Variants in SND1 observed in about 807,000 individuals in gnomAD.
SND1 encodes the protein staphylococcal nuclease and tudor domain containing 1.
Under a neutral mutation model 121.7 loss-of-function variants are expected in SND1, and 38 were observed. The observed-to-expected ratio is 0.31, with a 90% CI of 0.24 to 0.41. The LOEUF (loss-of-function observed/expected upper bound fraction) is 0.41, where lower values mean the gene tolerates loss of function less well. Ranked by LOEUF, SND1 falls within the 10% of genes least tolerant of loss-of-function variation. The probability of loss-of-function intolerance (pLI) is 1.00; values close to 1 mark genes in which losing one functional copy is unlikely to be tolerated. For synonymous variants in SND1, 401 were observed against 447.4 expected (o/e 0.90, Z 1.31); for missense variants, 868 against 1,184.6 (o/e 0.73, Z 3.92).
At chr7:127,941,058 A>G (rs558947699) in intron 15 of SND1, among the ~76,000 whole-genome samples, 1 of 152,344 alleles carries the variant, frequency 6.6e-6, no homozygotes. Context: ...GCACTGGCCT[A>G]TGAGGAGCAA....
chr7:128,034,637 CA>C (rs1259898362), intron 16 of SND1, among the ~76,000 whole-genome samples: 1 of 152,156 alleles, frequency 6.6e-6, no homozygotes, highest in African/African-American at 2.4e-5. Context: ...TGGGTCAGAC[CA>C]GTACTTAGTA....
rs570315200 is a variant in SND1 at position 127,854,022 on chromosome 7, G to A, written c.1343+9598G>A. Among the ~76,000 whole-genome samples, 6 of 152,304 alleles carry A rather than the reference G, an allele frequency of 3.9e-5. No homozygotes were observed. The South Asian group carries it at 1.0e-3, about 26-fold the overall frequency. On this transcript the variant is annotated intron_variant, in intron 12 of 23. Coordinates refer to ENST00000354725, the MANE Select transcript of SND1 (RefSeq NM_014390.4). ...TGTGCTACTATTTCTCCACTAGTCT[G>A]ACCCCATCTGCTTTCTGCCTTTCAG...
In SND1 at chr7:128,087,388, AAGG is replaced by A. The variant is rs1793704571; in HGVS notation, c.2418+340_2418+342del. 2.6e-5 allele frequency among the ~76,000 whole-genome samples: 4 copies of A among 152,264 alleles called. No individual in the cohort carries two copies. The South Asian group carries it at 8.3e-4, about 32-fold the overall frequency. ...GTGTCGTGGGGTTGTCTACCCTGGCAAGGAGTTTATTCTTTGTGCTGTATAGGC... is the reference window on the plus strand; with the variant it reads ...GTGTCGTGGGGTTGTCTACCCTGGCAAGTTTATTCTTTGTGCTGTATAGGC... On this transcript the variant is annotated intron_variant, in intron 21 of 23. Coordinates refer to ENST00000354725, the MANE Select transcript of SND1 (RefSeq NM_014390.4).
At chr7:127,870,750 T>TA (rs1799569883) in intron 12 of SND1, among the ~76,000 whole-genome samples, 1 of 152,284 alleles carries the variant, frequency 6.6e-6, no homozygotes, top group Admixed American at 6.5e-5. Flanking sequence ...CCTAGGATGT[T>TA]ACTGTACGCT....
chr7:127,771,796 A>G (rs1797516639), intron 10 of SND1, among the ~76,000 whole-genome samples: 1 of 152,238 alleles, frequency 6.6e-6, no homozygotes, highest in Admixed American at 6.5e-5. Context: ...TTAATTAAAT[A>G]TGATACCTCT....
intron 16 of SND1, among the ~76,000 whole-genome samples, chr7:128,011,382 G>T (rs1015313206): frequency 6.6e-6 from 1 of 152,228 alleles, no homozygotes; most frequent in African/African-American, 2.4e-5. Context: ...AACTCCTGGG[G>T]AGAGAGTGCC....
At chr7:127,910,183 TA>T (rs1453621268) in intron 14 of SND1, among the ~76,000 whole-genome samples, 2 of 152,192 alleles carry the variant, frequency 1.3e-5, no homozygotes, top group African/African-American at 4.8e-5. Context: ...CTCACGCCTG[TA>T]ATCCCAGCAC....
intron 2 of SND1, among the ~76,000 whole-genome samples, chr7:127,687,502 T>A (rs1326377449): frequency 1.3e-5 from 2 of 152,170 alleles, no homozygotes; most frequent in African/African-American, 2.4e-5. Context: ...CAGTGTCTAT[T>A]ATTTCTATCT....
intron 10 of SND1, among the ~76,000 whole-genome samples, chr7:127,769,383 G>T (rs1797474999): frequency 1.3e-5 from 2 of 152,164 alleles, no homozygotes; most frequent in African/African-American, 4.8e-5. Context: ...AAACATGTTT[G>T]CCAGCCCTGT....
At chr7:127,783,068 A>G (rs942159300) in intron 10 of SND1, among the ~76,000 whole-genome samples, 1 of 152,202 alleles carries the variant, frequency 6.6e-6, no homozygotes, top group African/African-American at 2.4e-5. Flanking sequence ...GGGGACAGAT[A>G]TCAATTCTGG....
intron 1 of SND1, among the ~76,000 whole-genome samples, chr7:127,685,276 TC>T (rs1185976887): frequency 6.6e-6 from 1 of 152,224 alleles, no homozygotes; most frequent in African/African-American, 2.4e-5. Flanking sequence ...CAGCTTCCTT[TC>T]ATTCTCCTTT....
At position 128,081,517 on chromosome 7, in the gene SND1, G is replaced by T. The variant is rs754147302; in HGVS notation, c.2110+16G>T. The T allele has an allele frequency of 3.7e-6, 6 of 1,612,500 alleles. No individual in the cohort carries two copies. The highest frequency in any genetic ancestry group is 1.7e-4 in the Middle Eastern group (1 of 6,004). ...GTGGAGACCGGTGAGTGCTCAGGCC[G>T]CTGGCTCGTGGTTCCTGGCTTGGTC... On this transcript the variant is annotated intron_variant, in intron 18 of 23. Transcript: ENST00000354725.
intron 14 of SND1, among the ~76,000 whole-genome samples, chr7:127,922,183 T>TTTTTTTG (rs1800724521): frequency 4.7e-5 from 4 of 85,568 alleles, no homozygotes; most frequent in Admixed American, 1.2e-4. Context: ...TCCTTTTTTT[T>TTTTTTTG]TTTTTTTTTT....
chr7:128,031,665 A>G (rs1202591446), intron 16 of SND1: 1 of 145,588 alleles, frequency 6.9e-6, no homozygotes, highest in Admixed American at 6.8e-5. Context: ...CGGCCGGAGG[A>G]GCGCGCGGCG....
intron 13 of SND1, among the ~76,000 whole-genome samples, chr7:127,896,741 CTCTT>C (rs1474696437): frequency 6.6e-6 from 1 of 152,120 alleles, no homozygotes; most frequent in Non-Finnish European, 1.5e-5. Context: ...TGACTCCTGT[CTCTT>C]TCCCCCTTCC....
At chr7:128,014,744 G>A (rs966544476) in intron 16 of SND1, among the ~76,000 whole-genome samples, 3 of 152,134 alleles carry the variant, frequency 2.0e-5, no homozygotes, top group Non-Finnish European at 4.4e-5. Context: ...TTGCTTTGGC[G>A]GGCAGTTGTG....
At chr7:128,078,504 G>A (rs988131371) in intron 17 of SND1, among the ~76,000 whole-genome samples, 3 of 152,206 alleles carry the variant, frequency 2.0e-5, no homozygotes, top group Non-Finnish European at 4.4e-5. Flanking sequence ...CACCCACCAC[G>A]AAGTGAGCTG....
intron 11 of SND1, among the ~76,000 whole-genome samples, chr7:127,834,576 A>G (rs1040307324): frequency 2.6e-5 from 4 of 152,164 alleles, no homozygotes; most frequent in Non-Finnish European, 5.9e-5. Context: ...ACCTTGCTTC[A>G]TTTAGTAGGC....
intron 16 of SND1, among the ~76,000 whole-genome samples, chr7:128,067,467 C>G (rs1391015108): frequency 6.6e-6 from 1 of 152,208 alleles, no homozygotes; most frequent in Non-Finnish European, 1.5e-5. Context: ...CAGCCCCACC[C>G]TGCTACCTGG....
Sources: gnomAD v4.1 joint callset for allele counts (sites outside exome capture counted in the v4.1 genomes callset) on GRCh38, gnomAD v4.1.1 for gene constraint, MANE v1.5 for transcripts, NCBI Gene and HGNC (gene_info 2026-07-23, HGNC 2026-07-21) for gene names.